The following PCDHGA7 variants were observed in gnomAD, a reference collection of about 807,000 sequenced individuals.
PCDHGA7 encodes protocadherin gamma subfamily A, 7.
PCDHGA7 carries 44 observed loss-of-function variants against 58.3 expected under a neutral mutation model. That is an observed-to-expected ratio of 0.75 (90% CI 0.59 to 0.97). The LOEUF is 0.97. Ranked by LOEUF, PCDHGA7 falls within the 50% of genes least tolerant of loss-of-function variation. The probability of loss-of-function intolerance (pLI) is 0.00; values close to 1 mark genes in which losing one functional copy is unlikely to be tolerated. For synonymous variants in PCDHGA7, 516 were observed against 504.2 expected (o/e 1.02, Z -0.31); for missense variants, 1,266 against 1,188.7 (o/e 1.06, Z -0.96).
intron 1 of PCDHGA7, among the ~76,000 whole-genome samples, chr5:141,449,177 G>T (rs2098631167): frequency 6.6e-6 from 1 of 152,028 alleles, no homozygotes. Flanking sequence ...AATTTTCTTA[G>T]GTATTTTCAC....
At chr5:141,414,533 C>A in intron 1 of PCDHGA7, 1 of 1,613,960 alleles carries the variant, frequency 6.2e-7, no homozygotes, top group Non-Finnish European at 8.5e-7. Context: ...AATGACAACC[C>A]ACCTACCTTC....
intron 1 of PCDHGA7, among the ~76,000 whole-genome samples, chr5:141,405,811 ACTGT>A (rs56926516): frequency 0.18 from 26,617 of 151,870 alleles, 2,510 homozygotes; most frequent in Admixed American, 0.28. Flanking sequence ...TTTCTCTTTA[ACTGT>A]CTGTACTTAA....
chr5:141,486,408 C>T lies in PCDHGA7; in HGVS notation c.2425-8399C>T. On this transcript the variant is annotated intron_variant, in intron 1 of 3. Coordinates refer to ENST00000518325, the MANE Select transcript of PCDHGA7 (RefSeq NM_018920.4). This position sits in a 1 kb window ranked among gnomAD's most constrained non-coding sequence, Gnocchi z 5.0. ...CAGTTCTCCCTGGTGACTGCTGGAC[C>T]CTTGGATCGAGAGGCCAAATCTAGC... is the stretch of plus-strand genomic sequence containing the variant. The T allele has an allele frequency of 1.2e-6, 2 of 1,614,156 alleles. No individual in the cohort carries two copies. Among genetic ancestry groups the T allele is most frequent in the South Asian group, 2.2e-5 (2 of 91,084 alleles).
At chr5:141,409,317 G>A in intron 1 of PCDHGA7, 2 of 1,613,940 alleles carry the variant, frequency 1.2e-6, no homozygotes, top group Non-Finnish European at 1.7e-6. Flanking sequence ...TTCAAAACAC[G>A]GGATCTGGAT....
intron 1 of PCDHGA7, among the ~76,000 whole-genome samples, chr5:141,451,106 G>A (rs1204327490): frequency 1.3e-5 from 2 of 152,164 alleles, no homozygotes; most frequent in African/African-American, 4.8e-5. Context: ...GGGATTACAG[G>A]CGTGAGCCAC....
rs76825883 is a variant in PCDHGA7, at chr5:141,433,317, C to T, written c.2424+47994C>T. The T allele has an allele frequency of 1.4e-3, 1,163 of 830,944 alleles. 6 individuals are homozygous for T. In the African/African-American group the frequency reaches 0.015, roughly 11 times the overall value. 51.5% of individuals were successfully genotyped at this position (830,944 alleles called of 1,614,324 possible). A position where few individuals can be genotyped will look rare whatever the true frequency, so the allele number is the denominator to read the frequency against. On this transcript the variant is annotated intron_variant, in intron 1 of 3. Transcript: ENST00000518325. ...CAAGCAATTATCCCACCTTTGCCTC[C>T]GGTGTAACAGGGACTACAGGTGCAA... is the stretch of plus-strand genomic sequence containing the variant.
At chr5:141,395,297 T>C in intron 1 of PCDHGA7, 1 of 1,523,916 alleles carries the variant, frequency 6.6e-7, no homozygotes, top group Non-Finnish European at 8.8e-7. Context: ...GCATAAATTA[T>C]GTTTTGAAAA....
chr5:141,478,726 G>A, intron 1 of PCDHGA7: 2 of 1,540,996 alleles, frequency 1.3e-6, no homozygotes, highest in Non-Finnish European at 1.8e-6. Context: ...GCCTGCCAGA[G>A]TGTGGTTTGT....
At position 141,384,368 on chromosome 5, in the gene PCDHGA7, C is replaced by A. The variant is rs748304499; in HGVS notation, c.1469C>A (p.Ser490Tyr). ...DSEDNAQITY[S>Y]LAEDTIQGAP... is the part of the protein sequence containing the mutation. The stretch of plus-strand genomic sequence containing the variant: ...GAGGATAATGCCCAGATCACTTATT[C>A]CTTGGCCGAAGACACCATCCAGGGG... The change falls in exon 1 of 4, where the codon TCC (serine) becomes TAC (tyrosine). Residue 490 changes from serine to tyrosine, a missense_variant. Transcript: ENST00000518325. The A allele has an allele frequency of 1.9e-6, 3 of 1,613,790 alleles. No individual in the cohort carries two copies. The highest frequency in any genetic ancestry group is 2.5e-6 in the Non-Finnish European group (3 of 1,179,904).
intron 1 of PCDHGA7, chr5:141,394,054 AT>A: frequency 6.2e-7 from 1 of 1,613,802 alleles, no homozygotes; most frequent in Non-Finnish European, 8.5e-7. Flanking sequence ...GACCGAGAAA[AT>A]GTCTCTATCT....
chr5:141,413,385 A>C, intron 1 of PCDHGA7: 1 of 1,613,990 alleles, frequency 6.2e-7, no homozygotes, highest in South Asian at 1.1e-5. Flanking sequence ...GAGTCCGCAT[A>C]GTCTCCAGAG....
rs751177252 is a variant in PCDHGA7 at position 141,415,407 on chromosome 5, T to G, written c.2424+30084T>G. The G allele has an allele frequency of 1.9e-6, 3 of 1,614,086 alleles. No homozygotes were observed. The African/African-American group carries it at 4.0e-5, about 22-fold the overall frequency. ...TGACAGGTGTGTCCGGCTCGCACTTTGTGGGCGTGGACGGGGTTCGGGCTT... is the reference window on the plus strand; with the variant it reads ...TGACAGGTGTGTCCGGCTCGCACTTGGTGGGCGTGGACGGGGTTCGGGCTT... On this transcript the variant is annotated intron_variant, in intron 1 of 3. Transcript: ENST00000518325.
intron 1 of PCDHGA7, among the ~76,000 whole-genome samples, chr5:141,480,839 G>A (rs1397361640): frequency 6.6e-6 from 1 of 152,196 alleles, no homozygotes; most frequent in Non-Finnish European, 1.5e-5. Context: ...AAGATCAGGA[G>A]TTTGAGACCA....
At chr5:141,418,095 C>A (rs1246996867) in intron 1 of PCDHGA7, 1 of 1,614,006 alleles carries the variant, frequency 6.2e-7, no homozygotes, top group Middle Eastern at 1.7e-4. Context: ...AGCGTAGACG[C>A]GCAGAGCGGG....
At chr5:141,462,071 C>T (rs1473972601) in intron 1 of PCDHGA7, among the ~76,000 whole-genome samples, 1 of 152,214 alleles carries the variant, frequency 6.6e-6, no homozygotes, top group African/African-American at 2.4e-5. Context: ...GATCTGCCCG[C>T]CTTGGCCTCC....
intron 1 of PCDHGA7, among the ~76,000 whole-genome samples, chr5:141,458,557 G>A (rs1258900717): frequency 6.9e-6 from 1 of 143,954 alleles, no homozygotes; most frequent in Non-Finnish European, 1.5e-5. Context: ...TGTTTGTTTT[G>A]GTTTTGGGTT....
chr5:141,410,189 G>T, intron 1 of PCDHGA7: 1 of 1,613,992 alleles, frequency 6.2e-7, no homozygotes, highest in Non-Finnish European at 8.5e-7. Flanking sequence ...GCTTCATCTG[G>T]TCTTCGCAGA....
intron 1 of PCDHGA7, chr5:141,409,345 A>G (rs1012428329): frequency 6.2e-7 from 1 of 1,614,020 alleles, no homozygotes; most frequent in Non-Finnish European, 8.5e-7. Flanking sequence ...GAAATGGAGA[A>G]GTCAGGTGTA....
chr5:141,428,361 C>G, intron 1 of PCDHGA7: 2 of 556,764 alleles, frequency 3.6e-6, no homozygotes, highest in Non-Finnish European at 6.6e-6. Context: ...TTTTGGCGGT[C>G]GCCTTGCACC....
Sources: allele counts gnomAD v4.1 joint callset (sites outside exome capture counted in the v4.1 genomes callset), GRCh38; gene constraint gnomAD v4.1.1; non-coding constraint Gnocchi (gnomAD v3.1); transcripts MANE v1.5; gene names NCBI Gene and HGNC (gene_info 2026-07-23, HGNC 2026-07-21).